VPS45: variants seen among roughly 807,000 people sequenced by gnomAD.
VPS45 encodes the protein vacuolar protein sorting 45 homolog.
Under a neutral mutation model 75.9 loss-of-function variants are expected in VPS45, and 35 were observed. The ratio of observed to expected loss-of-function variants is 0.46; its 90% CI spans 0.35 to 0.61. VPS45 has a LOEUF of 0.61. VPS45 is among the 20% of genes least tolerant of loss of function. The probability of loss-of-function intolerance (pLI) is 0.00; values close to 1 mark genes in which losing one functional copy is unlikely to be tolerated. For synonymous variants in VPS45, 220 were observed against 238.2 expected, an observed-to-expected ratio of 0.92 and a Z score of 0.70; for missense variants, 559 against 685.9, an observed-to-expected ratio of 0.81 and a Z score of 2.07.
At chr1:150,072,353 C>A in intron 3 of VPS45, 127 bp downstream of exon 3, 1 of 668,228 alleles carries the variant, frequency 1.5e-6, no homozygotes, top group Non-Finnish European at 2.4e-6. Context: ...ATTTAATGTC[C>A]TTCCAAAGTA....
At chr1:150,092,668 C>A (rs7553622) in intron 12 of VPS45, 56,251 of 250,460 alleles carry the variant, frequency 0.22, 9,821 homozygotes, top group African/African-American at 0.56. Context: ...AGAAAAAGAC[C>A]AACAGTTCTG....
At position 150,110,479 on chromosome 1, in the gene VPS45, AT is replaced by A. The variant is rs781887765; in HGVS notation, c.1494-15del. 1 of 1,599,250 alleles carries A rather than the reference AT, an allele frequency of 6.3e-7. No homozygotes were observed. The highest frequency in any genetic ancestry group is 1.7e-5 in the Admixed American group (1 of 58,626). On this transcript the variant is annotated splice_polypyrimidine_tract_variant and intron_variant, in intron 13 of 14. Coordinates refer to ENST00000644510, the MANE Select transcript of VPS45 (RefSeq NM_007259.5). ...TTTTCTTATCCTGTGATAATATCTCATTCTTCATTATTGCAGACCTCAGGAT... is the reference window on the plus strand; with the variant it reads ...TTTTCTTATCCTGTGATAATATCTCATCTTCATTATTGCAGACCTCAGGAT...
At chr1:150,074,367 CA>C (rs1249465863) in intron 3 of VPS45, among the ~76,000 whole-genome samples, 8 of 145,266 alleles carry the variant, frequency 5.5e-5, no homozygotes, top group East Asian at 2.0e-4. Flanking sequence ...GCTGGAACTG[CA>C]AAAAAAAAAG....
intron 14 of VPS45, among the ~76,000 whole-genome samples, chr1:150,128,689 C>T (rs373640565): frequency 1.2e-4 from 18 of 152,122 alleles, no homozygotes; most frequent in African/African-American, 4.1e-4. Flanking sequence ...GACTTCTCTT[C>T]ACTACGGACG....
intron 2 of VPS45, among the ~76,000 whole-genome samples, chr1:150,070,648 A>AAC (rs1427704677): frequency 8.1e-5 from 11 of 135,950 alleles, no homozygotes; most frequent in South Asian, 7.3e-4. Context: ...AAAAAAAAAA[A>AAC]CAACAAAAAA....
At chr1:150,130,023 AATCT>A (rs782344850) in intron 14 of VPS45, among the ~76,000 whole-genome samples, 7 of 151,564 alleles carry the variant, frequency 4.6e-5, no homozygotes, top group African/African-American at 7.3e-5. Context: ...CTATCTGTCT[AATCT>A]ATCTATCTAT....
At chr1:150,088,612 T>G (rs781962874) in intron 10 of VPS45, among the ~76,000 whole-genome samples, 26 of 151,382 alleles carry the variant, frequency 1.7e-4, no homozygotes, top group Non-Finnish European at 1.3e-4. Context: ...CCCCAGTAGC[T>G]GGGACTACAG....
At chr1:150,093,802 A>G (rs1232649058) in intron 13 of VPS45, among the ~76,000 whole-genome samples, 154 bp downstream of exon 13, 1 of 152,246 alleles carries the variant, frequency 6.6e-6, no homozygotes, top group African/African-American at 2.4e-5. Flanking sequence ...AGCATTAGAT[A>G]TGAATTCCCC....
chr1:150,077,917 G>C (rs782024318), intron 7 of VPS45, 138 bp downstream of exon 7: 7 of 713,538 alleles, frequency 9.8e-6, no homozygotes, highest in Non-Finnish European at 1.7e-5. Context: ...TGTATTTCCT[G>C]GTGTTTTGGT....
chr1:150,132,282 T>C (rs1658876907), intron 14 of VPS45, among the ~76,000 whole-genome samples: 1 of 152,212 alleles, frequency 6.6e-6, no homozygotes, highest in Non-Finnish European at 1.5e-5. Context: ...TTTGCATATT[T>C]GTTTCAGGAC....
At chr1:150,116,904 C>T (rs1170448000) in intron 14 of VPS45, among the ~76,000 whole-genome samples, 3 of 152,156 alleles carry the variant, frequency 2.0e-5, no homozygotes, top group Middle Eastern at 3.4e-3. Context: ...ACATATATAT[C>T]TCCATTTAAA....
chr1:150,086,551 C>T (rs1251068543), intron 10 of VPS45, among the ~76,000 whole-genome samples: 2 of 151,956 alleles, frequency 1.3e-5, no homozygotes, highest in Non-Finnish European at 2.9e-5. Flanking sequence ...GGTTGGGACA[C>T]ATTGAACTGA....
chr1:150,071,649 A>G (rs1311292066), intron 2 of VPS45, among the ~76,000 whole-genome samples: 3 of 152,070 alleles, frequency 2.0e-5, no homozygotes, highest in Non-Finnish European at 2.9e-5. Flanking sequence ...TTAGCTGGGT[A>G]TGGTGGCACA....
intron 13 of VPS45, among the ~76,000 whole-genome samples, chr1:150,100,369 G>A (rs1656913097): frequency 6.6e-6 from 1 of 152,168 alleles, no homozygotes; most frequent in African/African-American, 2.4e-5. Context: ...CATGCTCATG[G>A]ATAGGAAGAA....
rs1659600329 is a variant in VPS45 at position 150,144,956 on chromosome 1, C to T, written c.*160C>T. 6.5e-7 allele frequency: 1 copy of T among 1,530,040 alleles called. No individual in the cohort carries two copies. The allele number at this position is 1,530,040 out of a possible 1,614,324, so 94.8% of individuals were successfully genotyped here. ...ACGTGGTTGGCACAGACACAAGACT[C>T]CCAGAGTTGTCCTAACAATAAGTCT... On this transcript the variant is annotated 3_prime_UTR_variant, in exon 15 of 15. Transcript: ENST00000644510.
rs113999601 is a variant in VPS45 at position 150,076,582 on chromosome 1, A to G, written c.369+270A>G. On this transcript the variant is annotated intron_variant, in intron 4 of 14. Coordinates refer to ENST00000644510, the MANE Select transcript of VPS45 (RefSeq NM_007259.5). ...TCTCATGACAACACATTGGACAGCA[A>G]AGTTCTTTTTTATCTGAGTAGAACA... 2.3e-3 allele frequency: 1,079 copies of G among 474,076 alleles called. 15 individuals are homozygous for G. Among genetic ancestry groups the G allele is most frequent in the African/African-American group, 0.02 (992 of 50,246 alleles). 29.4% of individuals were successfully genotyped at this position (474,076 alleles called of 1,614,324 possible).
chr1:150,122,974 G>A (rs587686700), intron 14 of VPS45, among the ~76,000 whole-genome samples: 8 of 119,696 alleles, frequency 6.7e-5, no homozygotes, highest in African/African-American at 9.9e-5. Context: ...GGCAACAAGA[G>A]CGAAACTCCT....
chr1:150,097,714 G>T (rs587762108), intron 13 of VPS45, among the ~76,000 whole-genome samples: 1 of 151,592 alleles, frequency 6.6e-6, no homozygotes, highest in African/African-American at 2.4e-5. Flanking sequence ...GCAAGGCTCC[G>T]TCTCAAAACA....
intron 10 of VPS45, among the ~76,000 whole-genome samples, chr1:150,084,818 A>G (rs1655914455): frequency 6.6e-6 from 1 of 152,168 alleles, no homozygotes; most frequent in South Asian, 2.1e-4. Flanking sequence ...TTATGATTTC[A>G]AACTTTCAGA....
Sources: gnomAD v4.1 joint callset for allele counts (sites outside exome capture counted in the v4.1 genomes callset) on GRCh38, gnomAD v4.1.1 for gene constraint, MANE v1.5 for transcripts, NCBI Gene and HGNC (gene_info 2026-07-23, HGNC 2026-07-21) for gene names.